FREM3: variants seen among roughly 807,000 people sequenced by gnomAD.
FREM3 encodes FRAS1-related extracellular matrix protein 3.
Under a neutral mutation model 129.1 loss-of-function variants are expected in FREM3, and 105 were observed. That is an observed-to-expected ratio of 0.81 (90% CI 0.69 to 0.96). FREM3 has a LOEUF of 0.96. FREM3 is among the 40% of genes least tolerant of loss of function. FREM3 has a pLI of 0.00. For synonymous variants in FREM3, 1,014 were observed against 1,044.9 expected (o/e 0.97, Z 0.57); for missense variants, 2,593 against 2,666.3 (o/e 0.97, Z 0.61).
rs1275810886 is a variant in FREM3, at chr4:143,700,548, G to T, written c.128C>A (p.Ala43Glu). The part of the protein sequence containing the change: ...ASSLGTEPDP[A>E]LYLPARGALD... ...CGCACCCCGGGCGGGCAGGTAAAGC[G>T]CCGGGTCGGGCTCGGTCCCAAGTGA... Residue 43 changes from alanine (A) to glutamate (E), a missense_variant, in exon 1 of 8, where the codon GCG (alanine) becomes GAG (glutamate). This residue lies in a region of FREM3 where 2,276 missense variants were observed against 2,267.2 expected (regional missense o/e 1.00). Coordinates refer to ENST00000329798, the MANE Select transcript of FREM3 (RefSeq NM_001168235.2). The T allele has an allele frequency of 2.0e-6, 3 of 1,518,322 alleles. No homozygotes were observed. Among genetic ancestry groups the T allele is most frequent in the South Asian group, 1.2e-5 (1 of 81,922 alleles). 94.1% of individuals were successfully genotyped at this position (1,518,322 alleles called of 1,614,324 possible). A position where few individuals can be genotyped will look rare whatever the true frequency, so the allele number is the denominator to read the frequency against.
intron 6 of FREM3, among the ~76,000 whole-genome samples, chr4:143,605,061 C>T (rs1738645135): frequency 6.6e-6 from 1 of 152,124 alleles, no homozygotes; most frequent in Admixed American, 6.6e-5. Flanking sequence ...TGGCAGGTCA[C>T]TGTGAATGTC....
intron 2 of FREM3, among the ~76,000 whole-genome samples, chr4:143,674,379 C>T (rs1740064459): frequency 6.6e-6 from 1 of 152,150 alleles, no homozygotes; most frequent in Non-Finnish European, 1.5e-5. Flanking sequence ...CCTACAAGAG[C>T]TCCTGAAGGA....
chr4:143,623,752 C>G (rs1012099221), intron 4 of FREM3, among the ~76,000 whole-genome samples: 2 of 151,916 alleles, frequency 1.3e-5, no homozygotes, highest in African/African-American at 4.8e-5. Flanking sequence ...TATCTAAGTC[C>G]CCATTTGATC....
chr4:143,587,384 C>T (rs13149219), intron 6 of FREM3, among the ~76,000 whole-genome samples: 40,487 of 152,140 alleles, frequency 0.27, 6,871 homozygotes, highest in East Asian at 0.78. Context: ...AATTTGCTCA[C>T]CTCAGGCATA....
intron 2 of FREM3, among the ~76,000 whole-genome samples, chr4:143,631,896 G>A (rs1739147003): frequency 6.6e-6 from 1 of 152,130 alleles, no homozygotes; most frequent in Non-Finnish European, 1.5e-5. Flanking sequence ...ACTTCAGAAT[G>A]AATTCAGGAA....
At chr4:143,641,272 T>C (rs1390690160) in intron 2 of FREM3, among the ~76,000 whole-genome samples, 1 of 152,084 alleles carries the variant, frequency 6.6e-6, no homozygotes, top group African/African-American at 2.4e-5. Context: ...GATTCATAGA[T>C]ATGAGGAAAA....
chr4:143,617,560 C>T (rs1057072155), intron 5 of FREM3, among the ~76,000 whole-genome samples: 1 of 152,142 alleles, frequency 6.6e-6, no homozygotes, highest in Non-Finnish European at 1.5e-5. Context: ...ATGTTTGTTG[C>T]GTTTGGCTAT....
intron 2 of FREM3, among the ~76,000 whole-genome samples, chr4:143,687,076 A>T (rs1204843904): frequency 2.0e-5 from 3 of 152,162 alleles, no homozygotes; most frequent in African/African-American, 4.8e-5. Flanking sequence ...CTTTGAAAAG[A>T]TAAATAAAAT....
At chr4:143,616,874 C>T (rs1472802319) in intron 5 of FREM3, among the ~76,000 whole-genome samples, 3 of 152,014 alleles carry the variant, frequency 2.0e-5, no homozygotes, top group East Asian at 1.9e-4. Context: ...AAAATCCAAT[C>T]GGAGAAGTGG....
chr4:143,664,428 C>T (rs1285111098), intron 2 of FREM3, among the ~76,000 whole-genome samples: 4 of 152,132 alleles, frequency 2.6e-5, no homozygotes, highest in Non-Finnish European at 5.9e-5. Context: ...ATGCTGCTGT[C>T]TGATCGTTCC....
At chr4:143,599,998 G>A (rs80077470) in intron 6 of FREM3, among the ~76,000 whole-genome samples, 2,132 of 152,304 alleles carry the variant, frequency 0.014, 43 homozygotes, top group African/African-American at 0.049. Flanking sequence ...TAAAAATCTA[G>A]TGGTTGGTCT....
chr4:143,622,034 T>C (rs1738960180), intron 4 of FREM3, among the ~76,000 whole-genome samples: 1 of 152,006 alleles, frequency 6.6e-6, no homozygotes, highest in Non-Finnish European at 1.5e-5. Flanking sequence ...TACATATACA[T>C]GTAGATTCTT....
chr4:143,652,224 G>A (rs1275937372), intron 2 of FREM3, among the ~76,000 whole-genome samples: 1 of 36,218 alleles, frequency 2.8e-5, no homozygotes, highest in African/African-American at 6.4e-5. Context: ...CTGCAGTGGC[G>A]CAATCTCGGC....
intron 6 of FREM3, among the ~76,000 whole-genome samples, chr4:143,605,721 A>C (rs1012515674): frequency 1.4e-4 from 22 of 152,294 alleles, no homozygotes; most frequent in Admixed American, 1.4e-3. Flanking sequence ...GCAGCCAATA[A>C]AGACACTATC....
chr4:143,645,056 A>C (rs1057352806), intron 2 of FREM3: 1 of 152,204 alleles, frequency 6.6e-6, no homozygotes, highest in Admixed American at 6.5e-5. Flanking sequence ...TCTTAAGTGA[A>C]GACACATGAA....
In FREM3 at chr4:143,697,861, C is replaced by T. The variant is rs1740606098; in HGVS notation, c.2815G>A (p.Ala939Thr). 4 of 1,537,664 alleles carry T rather than the reference C, an allele frequency of 2.6e-6. No individual in the cohort carries two copies. The highest frequency in any genetic ancestry group is 2.7e-5 in the African/African-American group (2 of 73,034). ...AGAGAGATCCTAGGACTTCTGTTAG[C>T]CACATTGGGATGCACAGAAATTGGG... is the stretch of plus-strand genomic sequence containing the variant. ...TIPISVHPNV[A>T]NRSPRISLRS... Residue 939 changes from alanine (A) to threonine (T), a missense_variant, in exon 1 of 8, where the codon GCT becomes ACT. Ala to Thr is a moderately conservative substitution (Grantham distance 58). Around this residue, in one of 2 missense-constraint regions of FREM3, gnomAD observed 2,276 missense variants for 2,267.2 expected, o/e 1.00. Coordinates refer to ENST00000329798, the MANE Select transcript of FREM3 (RefSeq NM_001168235.2).
rs150548891 is a variant in FREM3 at position 143,674,214 on chromosome 4, G to A, written c.5275+18899C>T. Among the ~76,000 whole-genome samples the A allele has an allele frequency of 2.1e-3, 326 of 152,202 alleles. 2 individuals are homozygous for A. Among genetic ancestry groups the A allele is most frequent in the African/African-American group, 7.5e-3 (313 of 41,542 alleles). On this transcript the variant is annotated intron_variant, in intron 2 of 7. Coordinates refer to ENST00000329798, the MANE Select transcript of FREM3 (RefSeq NM_001168235.2). The stretch of plus-strand genomic sequence containing the variant: ...ATCTTCTGCAGAAACTCTACAAGCC[G>A]GAAGAGAGTGGGGGCCAATATTCAA...
At position 143,658,358 on chromosome 4, in the gene FREM3, G is replaced by A. The variant is rs570055899; in HGVS notation, c.5276-30598C>T. ...TAAGAATTTGGAATTTGTGAACCAC[G>A]AAACAGGCCCTCACCAGATACCAAA... On this transcript the variant is annotated intron_variant, in intron 2 of 7. Coordinates refer to ENST00000329798, the MANE Select transcript of FREM3 (RefSeq NM_001168235.2). 2.0e-5 allele frequency among the ~76,000 whole-genome samples: 3 copies of A among 152,286 alleles called. No homozygotes were observed. In the South Asian group the frequency reaches 6.2e-4, roughly 32 times the overall value.
Position 143,669,692 on chromosome 4 carries a change from G to A in FREM3, c.5275+23421C>T, listed in dbSNP as rs551699608. 2.1e-4 allele frequency among the ~76,000 whole-genome samples: 32 copies of A among 149,356 alleles called. No individual in the cohort carries two copies. In the South Asian group the frequency reaches 6.5e-3, roughly 30 times the overall value. On this transcript the variant is annotated intron_variant, in intron 2 of 7. Transcript: ENST00000329798. Reference sequence around the variant, plus strand: ...AAAACCACAAGTCACCTAAGGACTTGTCCTTTATGCATGTATTGTATACAA... The same window carrying A: ...AAAACCACAAGTCACCTAAGGACTTATCCTTTATGCATGTATTGTATACAA...
Sources: allele counts gnomAD v4.1 joint callset (sites outside exome capture counted in the v4.1 genomes callset), GRCh38; gene constraint gnomAD v4.1.1; regional missense constraint gnomAD v4.1.1; transcripts MANE v1.5; gene names NCBI Gene and HGNC (gene_info 2026-07-23, HGNC 2026-07-21).